The following ARID4A variants were observed in gnomAD, a reference collection of about 807,000 sequenced individuals.
The protein encoded by ARID4A is AT-rich interaction domain 4A, also known as AT-rich interactive domain-containing protein 4A.
A neutral mutation model predicts 148.6 loss-of-function variants in ARID4A; 39 were observed. That is an observed-to-expected ratio of 0.26 (90% CI 0.20 to 0.34). ARID4A has a LOEUF of 0.34. ARID4A is among the 10% of genes least tolerant of loss of function. The pLI, the probability that ARID4A is intolerant of heterozygous loss-of-function variation, is 1.00. For synonymous variants in ARID4A, 475 were observed against 481.2 expected (o/e 0.99, Z 0.17); for missense variants, 1,265 against 1,449.1 (o/e 0.87, Z 2.06).
Position 58,299,794 on chromosome 14 carries a change from ATAGTTC to A in ARID4A, c.-57_-52del. The A allele has an allele frequency of 1.9e-6, 3 of 1,612,454 alleles. No homozygotes were observed. Among genetic ancestry groups the A allele is most frequent in the Non-Finnish European group, 2.5e-6 (3 of 1,178,924 alleles). ...TCTGTGCCTGTCTTTCCCCCTCCCC[ATAGTTC>A]TAGCGACTGCGAAGATAGCTCGCTG... is the stretch of plus-strand genomic sequence containing the variant. On this transcript the variant is annotated splice_acceptor_variant and splice_polypyrimidine_tract_variant and 5_prime_UTR_variant and intron_variant, in exon 2 of 24. Transcript: ENST00000355431. LOFTEE classifies it low-confidence loss of function (5UTR_SPLICE).
chr14:58,360,288 G>A lies in ARID4A; in HGVS notation c.1939-613G>A, dbSNP rs547750830. On this transcript the variant is annotated intron_variant, in intron 18 of 23. Coordinates refer to ENST00000355431, the MANE Select transcript of ARID4A (RefSeq NM_002892.4). The stretch of plus-strand genomic sequence containing the variant: ...GAGAGGTCACATTCCTCATTTAGAC[G>A]GAATGGAACTAACCACTCTGCTGTG... 3.9e-5 allele frequency among the ~76,000 whole-genome samples: 6 copies of A among 152,220 alleles called. No homozygotes were observed. In the East Asian group the frequency reaches 9.6e-4, roughly 24 times the overall value.
chr14:58,334,733 C>T lies in ARID4A; in HGVS notation c.906+4564C>T, dbSNP rs180772599. On this transcript the variant is annotated intron_variant, in intron 11 of 23. Transcript: ENST00000355431. The stretch of plus-strand genomic sequence containing the variant: ...TATAAGATGAGTCTCTCAGGTTATG[C>T]TGTGGATCTCATTCCCTTCCTCTTT... 3.7e-3 allele frequency among the ~76,000 whole-genome samples: 566 copies of T among 152,214 alleles called. 4 individuals are homozygous for T. Among genetic ancestry groups the T allele is most frequent in the Non-Finnish European group, 6.8e-3 (463 of 67,986 alleles).
Position 58,328,345 on chromosome 14 carries a change from C to G in ARID4A, c.662+29C>G, listed in dbSNP as rs375268904. 2.8e-6 allele frequency: 4 copies of G among 1,407,874 alleles called. No homozygotes were observed. In the African/African-American group the frequency reaches 5.8e-5, roughly 20 times the overall value. The allele number at this position is 1,407,874 out of a possible 1,614,324, so 87.2% of individuals were successfully genotyped here. On this transcript the variant is annotated intron_variant, in intron 9 of 23. Transcript: ENST00000355431. ...AGTAATGAATCCTTTAATGATGTTA[C>G]GTGGGAGGAAAAAAAAAATAGAATT...
intron 3 of ARID4A, among the ~76,000 whole-genome samples, chr14:58,302,038 A>G (rs191506363): frequency 9.0e-4 from 137 of 152,328 alleles, no homozygotes; most frequent in African/African-American, 3.2e-3. Context: ...TTATGTTTTC[A>G]AGACAGTGTA....
intron 10 of ARID4A, 143 bp from the exon 11 acceptor site, chr14:58,329,860 T>G (rs570446416): frequency 9.0e-6 from 12 of 1,334,206 alleles, no homozygotes; most frequent in South Asian, 3.1e-5. Context: ...TTATAACTTA[T>G]GAAATATGTT....
intron 21 of ARID4A, among the ~76,000 whole-genome samples, 181 bp downstream of exon 21, chr14:58,365,803 A>C (rs1296297778): frequency 1.3e-5 from 2 of 151,964 alleles, no homozygotes; most frequent in African/African-American, 4.8e-5. Context: ...CTTTTTAACA[A>C]CTTTAGGAAA....
In ARID4A at chr14:58,329,687, T is replaced by C. The variant is rs56178658; in HGVS notation, c.739+83T>C. The C allele has an allele frequency of 2.4e-3, 2,929 of 1,200,796 alleles. 44 individuals carry two copies. The African/African-American group carries it at 0.036, about 15-fold the overall frequency. The allele number at this position is 1,200,796 out of a possible 1,614,324, so 74.4% of individuals were successfully genotyped here. A position where few individuals can be genotyped will look rare whatever the true frequency, so the allele number is the denominator to read the frequency against. ...CAAATAAAGCAAGACTGATACTCTC[T>C]GGTACCACCATTTTAACTGTTTAGA... On this transcript the variant is annotated intron_variant, in intron 10 of 23. Coordinates refer to ENST00000355431, the MANE Select transcript of ARID4A (RefSeq NM_002892.4).
chr14:58,348,742 A>G (rs2034492625), intron 15 of ARID4A, among the ~76,000 whole-genome samples: 1 of 152,234 alleles, frequency 6.6e-6, no homozygotes, highest in African/African-American at 2.4e-5. Flanking sequence ...GCTTTGTCTT[A>G]TAGTTCAGAA....
At chr14:58,365,414 TC>T in intron 20 of ARID4A, 103 bp from the exon 21 acceptor site, 1 of 1,416,538 alleles carries the variant, frequency 7.1e-7, no homozygotes, top group East Asian at 2.4e-5. Flanking sequence ...TCTCTTCTTT[TC>T]TTATTAAAAA....
At position 58,364,163 on chromosome 14, in the gene ARID4A, C is replaced by T. The variant is rs2035250690; in HGVS notation, c.2081-7C>T. On this transcript the variant is annotated splice_polypyrimidine_tract_variant and splice_region_variant and intron_variant, in intron 19 of 23. Transcript: ENST00000355431. Reference sequence around the variant, plus strand: ...CCTGTATAATATAATAATATTTCCTCTTACAGACTCTTGTTCATCTGATAG... The same window carrying T: ...CCTGTATAATATAATAATATTTCCTTTTACAGACTCTTGTTCATCTGATAG... The T allele has an allele frequency of 7.6e-7, 1 of 1,309,362 alleles. No individual in the cohort carries two copies. Among genetic ancestry groups the T allele is most frequent in the Non-Finnish European group, 1.0e-6 (1 of 989,440 alleles). 81.1% of individuals were successfully genotyped at this position (1,309,362 alleles called of 1,614,324 possible). A position where few individuals can be genotyped will look rare whatever the true frequency, so the allele number is the denominator to read the frequency against.
At chr14:58,331,923 T>G (rs561469206) in intron 11 of ARID4A, among the ~76,000 whole-genome samples, 1 of 151,660 alleles carries the variant, frequency 6.6e-6, no homozygotes, top group Non-Finnish European at 1.5e-5. Context: ...TTGTCCAATA[T>G]TGAAGAAAGA....
At chr14:58,347,925 T>C in intron 15 of ARID4A, 47 bp downstream of exon 15, 1 of 1,335,740 alleles carries the variant, frequency 7.5e-7, no homozygotes, top group Non-Finnish European at 1.0e-6. Context: ...TTATTTAAAA[T>C]TTTTTATTAT....
intron 7 of ARID4A, among the ~76,000 whole-genome samples, chr14:58,321,773 T>C (rs1013745428): frequency 7.2e-5 from 11 of 152,056 alleles, no homozygotes; most frequent in African/African-American, 2.4e-4. Context: ...ATACTAGATA[T>C]ATCACTTTGG....
At chr14:58,355,514 G>A (rs774753906) in intron 17 of ARID4A, among the ~76,000 whole-genome samples, 4 of 152,132 alleles carry the variant, frequency 2.6e-5, no homozygotes, top group Non-Finnish European at 4.4e-5. Context: ...ATATGAATGT[G>A]GTCTTTCTCT....
chr14:58,347,906 G>T, intron 15 of ARID4A, 28 bp downstream of exon 15: 1 of 1,486,676 alleles, frequency 6.7e-7, no homozygotes. Flanking sequence ...GTTTTATCTG[G>T]TTTAAGTATT....
At chr14:58,346,110 A>G (rs2034352947) in intron 12 of ARID4A, among the ~76,000 whole-genome samples, 1 of 151,542 alleles carries the variant, frequency 6.6e-6, no homozygotes, top group South Asian at 2.1e-4. Context: ...TACTCAATTC[A>G]TTGGCAGTTA....
chr14:58,329,904 G>A (rs958419275), intron 10 of ARID4A, 99 bp from the exon 11 acceptor site: 21 of 1,506,282 alleles, frequency 1.4e-5, no homozygotes, highest in Admixed American at 7.3e-5. Flanking sequence ...AATGACAGCC[G>A]AATTTGAATT....
intron 8 of ARID4A, among the ~76,000 whole-genome samples, chr14:58,323,985 A>G (rs766847792): frequency 1.4e-4 from 20 of 143,964 alleles, no homozygotes; most frequent in Non-Finnish European, 2.2e-4. Context: ...GCTCACTGCA[A>G]GCTCTGCCTT....
chr14:58,314,227 A>G (rs536354745), intron 5 of ARID4A, among the ~76,000 whole-genome samples: 1 of 152,358 alleles, frequency 6.6e-6, no homozygotes, highest in East Asian at 1.9e-4. Context: ...ACTAAAAAGA[A>G]GCTAGACTTG....
Sources: gnomAD v4.1 joint callset for allele counts (sites outside exome capture counted in the v4.1 genomes callset) on GRCh38, gnomAD v4.1.1 for gene constraint, MANE v1.5 for transcripts, NCBI Gene and HGNC (gene_info 2026-07-23, HGNC 2026-07-21) for gene names.